Variants in EPHX2 observed in about 807,000 individuals in gnomAD.
The protein encoded by EPHX2 is bifunctional epoxide hydrolase 2.
Under a neutral mutation model 78.7 loss-of-function variants are expected in EPHX2, and 74 were observed. The ratio of observed to expected loss-of-function variants is 0.94; its 90% CI spans 0.78 to 1.14. The LOEUF is 1.14. Ranked by LOEUF, EPHX2 falls within the 50% of genes most tolerant of loss-of-function variation. EPHX2 has a pLI of 0.00. For synonymous variants in EPHX2, 251 were observed against 255.2 expected, an observed-to-expected ratio of 0.98 and a Z score of 0.16; for missense variants, 715 against 702.5, an observed-to-expected ratio of 1.02 and a Z score of -0.20.
At chr8:27,540,137 A>T (rs1815349010) in intron 14 of EPHX2, among the ~76,000 whole-genome samples, 1 of 152,036 alleles carries the variant, frequency 6.6e-6, no homozygotes. Flanking sequence ...AACGGAGCAA[A>T]TCCTTATGAA....
At chr8:27,545,868 G>A (rs1210197995), downstream of EPHX2, among the ~76,000 whole-genome samples, 1 of 152,104 alleles carries the variant, frequency 6.6e-6, no homozygotes, top group Non-Finnish European at 1.5e-5. Flanking sequence ...TTGAAATGGA[G>A]GCTGCTGGCA....
At chr8:27,495,981 G>C (rs913284887) in intron 1 of EPHX2, among the ~76,000 whole-genome samples, 1 of 152,156 alleles carries the variant, frequency 6.6e-6, no homozygotes. Flanking sequence ...TTAGAGCATA[G>C]AGTGGCCTGG....
intron 12 of EPHX2, among the ~76,000 whole-genome samples, chr8:27,527,134 T>C (rs1400659797): frequency 1.3e-5 from 2 of 152,106 alleles, no homozygotes; most frequent in East Asian, 3.9e-4. Context: ...TTTGTTTGTA[T>C]TTTTAGTAGA....
At chr8:27,500,369 G>C (rs369967158) in intron 1 of EPHX2, among the ~76,000 whole-genome samples, 13 of 152,242 alleles carry the variant, frequency 8.5e-5, no homozygotes, top group African/African-American at 3.1e-4. Flanking sequence ...ACAGCCTGCA[G>C]AACCATGAGC....
At chr8:27,522,548 G>T in intron 11 of EPHX2, 40 bp downstream of exon 11, 1 of 1,588,370 alleles carries the variant, frequency 6.3e-7, no homozygotes, top group South Asian at 1.1e-5. Context: ...GAGGAGGCTG[G>T]ACTTGAACTC....
rs762283533 is a variant in EPHX2, at chr8:27,538,670, C to T, written c.1254C>T (p.Ser418=). The change falls in exon 14 of 19, where the codon TCC becomes TCT. Residue 418 remains serine, a synonymous_variant. Transcript: ENST00000521400. Reference sequence around the variant, plus strand: ...TTTTCTTCCTTCAGAGTGTTTTATCCATGCATAAAGTCTGTGAAGCGGGTA... The same window carrying T: ...TTTTCTTCCTTCAGAGTGTTTTATCTATGCATAAAGTCTGTGAAGCGGGTA... ...LFRASDESVL[S]MHKVCEAGGL... is the part of the protein sequence containing the mutation. 3 of 1,613,186 alleles carry T rather than the reference C, an allele frequency of 1.9e-6. No individual in the cohort carries two copies. The highest frequency in any genetic ancestry group is 1.3e-5 in the African/African-American group (1 of 74,976).
chr8:27,535,614 T>C (rs1815187526), intron 12 of EPHX2, among the ~76,000 whole-genome samples: 1 of 152,170 alleles, frequency 6.6e-6, no homozygotes, highest in Admixed American at 6.5e-5. Flanking sequence ...ATTAAAATTG[T>C]CCTCTTATGC....
intron 4 of EPHX2, among the ~76,000 whole-genome samples, chr8:27,506,299 C>T (rs1442321858): frequency 1.3e-5 from 2 of 152,156 alleles, no homozygotes; most frequent in Non-Finnish European, 2.9e-5. Flanking sequence ...TTTATTACTA[C>T]ATATAAATTT....
At chr8:27,518,537 C>T (rs541291117) in intron 9 of EPHX2, among the ~76,000 whole-genome samples, 1 of 152,310 alleles carries the variant, frequency 6.6e-6, no homozygotes, top group East Asian at 1.9e-4. Context: ...TCAGTGCTGG[C>T]AGGGGAGGCC....
intron 12 of EPHX2, among the ~76,000 whole-genome samples, chr8:27,531,371 C>T (rs1298430323): frequency 1.3e-5 from 2 of 152,190 alleles, no homozygotes; most frequent in Non-Finnish European, 2.9e-5. Flanking sequence ...TAAGTCTTTG[C>T]TGTCCACCTC....
At chr8:27,537,229 ATTG>A (rs998767267) in intron 13 of EPHX2, among the ~76,000 whole-genome samples, 32 of 152,112 alleles carry the variant, frequency 2.1e-4, no homozygotes, top group African/African-American at 7.7e-4. Context: ...CATCATCACT[ATTG>A]TTGTTTTATA....
intron 15 of EPHX2, 75 bp downstream of exon 15, chr8:27,540,731 G>A: frequency 7.0e-7 from 1 of 1,426,276 alleles, no homozygotes; most frequent in South Asian, 1.2e-5. Flanking sequence ...CAGGGTGGAG[G>A]GTGAGGCCCA....
intron 14 of EPHX2, chr8:27,539,027 AGGTGGAGTGGAGTGG>A (rs1815306725): frequency 3.8e-6 from 1 of 262,406 alleles, no homozygotes; most frequent in African/African-American, 2.2e-5. Context: ...TCGTGTATGC[AGGTGGAGTGGAGTGG>A]GGCCCCTGCC....
chr8:27,524,092 C>G (rs1402992236), intron 11 of EPHX2, among the ~76,000 whole-genome samples: 1 of 152,066 alleles, frequency 6.6e-6, no homozygotes, highest in Non-Finnish European at 1.5e-5. Flanking sequence ...ACCAACACGC[C>G]CAGCTAAATT....
chr8:27,538,734 A>T (rs1815292195), intron 14 of EPHX2, 42 bp downstream of exon 14: 3 of 1,600,126 alleles, frequency 1.9e-6, no homozygotes, highest in Non-Finnish European at 2.6e-6. Context: ...GAACCAGCTG[A>T]ATGTTAAAGG....
chr8:27,497,402 A>G (rs1323001542), intron 1 of EPHX2, among the ~76,000 whole-genome samples: 1 of 152,168 alleles, frequency 6.6e-6, no homozygotes, highest in Non-Finnish European at 1.5e-5. Flanking sequence ...AACAAGCCCT[A>G]CTGGGTGATT....
chr8:27,502,529 TA>T (rs1366237117), intron 2 of EPHX2, among the ~76,000 whole-genome samples: 1 of 152,242 alleles, frequency 6.6e-6, no homozygotes, highest in African/African-American at 2.4e-5. Context: ...CAGACATTTA[TA>T]GCTCACAGTT....
intron 8 of EPHX2, 53 bp downstream of exon 8, chr8:27,516,451 T>G (rs1814458455): frequency 6.5e-7 from 1 of 1,549,054 alleles, no homozygotes; most frequent in Non-Finnish European, 8.9e-7. Flanking sequence ...TCTACCTGCC[T>G]GAGCGCTCCA....
chr8:27,508,081 G>A (rs1341650847), intron 5 of EPHX2, among the ~76,000 whole-genome samples: 2 of 152,064 alleles, frequency 1.3e-5, no homozygotes, highest in Non-Finnish European at 2.9e-5. Flanking sequence ...TGGGCGGATC[G>A]GTTGATGTCA....
Sources: allele counts gnomAD v4.1 joint callset (sites outside exome capture counted in the v4.1 genomes callset), GRCh38; gene constraint gnomAD v4.1.1; transcripts MANE v1.5; gene names NCBI Gene and HGNC (gene_info 2026-07-23, HGNC 2026-07-21).